The following EPM2A variants were observed in gnomAD, a reference collection of about 807,000 sequenced individuals.
The protein encoded by EPM2A is EPM2A glucan phosphatase, laforin, also known as laforin.
In EPM2A, 21 loss-of-function variants were observed where a neutral mutation model predicts 26.5. That is an observed-to-expected ratio of 0.79 (90% confidence interval 0.56 to 1.14). The LOEUF (loss-of-function observed/expected upper bound fraction) is 1.14, where lower values mean the gene tolerates loss of function less well. Among genes scored for constraint, EPM2A ranks in the 50% most tolerant of loss-of-function variants. The pLI is 0.00. For missense variants in EPM2A, 458 were observed against 440.8 expected (o/e 1.04, Z -0.35); for synonymous variants, 217 against 177.6 (o/e 1.22, Z -1.76).
chr6:145,438,997 T>C (rs1779026730), intron 4 of EPM2A, among the ~76,000 whole-genome samples: 1 of 152,162 alleles, frequency 6.6e-6, no homozygotes, highest in African/African-American at 2.4e-5. Flanking sequence ...CTGTATCTGT[T>C]GTTCCCCTCT....
chr6:145,501,277 T>C (rs1170446729), downstream of EPM2A, among the ~76,000 whole-genome samples: 1 of 152,230 alleles, frequency 6.6e-6, no homozygotes, highest in Non-Finnish European at 1.5e-5. Flanking sequence ...TTGGAATTTT[T>C]CTTTGTGCCC....
intron 2 of EPM2A, among the ~76,000 whole-genome samples, chr6:145,538,412 G>C (rs926835102): frequency 9.2e-5 from 14 of 152,202 alleles, no homozygotes; most frequent in African/African-American, 2.9e-4. Flanking sequence ...GTAAATAAGA[G>C]AATACTCAGG....
At chr6:145,693,829 GTT>G (rs2128620327) in intron 1 of EPM2A, among the ~76,000 whole-genome samples, 1 of 152,032 alleles carries the variant, frequency 6.6e-6, no homozygotes, top group South Asian at 2.1e-4. Context: ...CTTCAGAACA[GTT>G]TTAGCTACTT....
intron 2 of EPM2A, among the ~76,000 whole-genome samples, chr6:145,503,232 G>C: frequency 6.6e-6 from 1 of 151,996 alleles, no homozygotes; most frequent in Non-Finnish European, 1.5e-5. Context: ...TGTGTTGGAA[G>C]TTCTGGCCAG....
chr6:145,496,238 T>C (rs1016107027), intron 4 of EPM2A, among the ~76,000 whole-genome samples: 19 of 152,166 alleles, frequency 1.2e-4, no homozygotes, highest in Non-Finnish European at 2.5e-4. Context: ...TTACTATTGT[T>C]TCTTTCATTT....
chr6:145,561,404 G>A (rs1780802855), intron 2 of EPM2A, among the ~76,000 whole-genome samples: 1 of 152,104 alleles, frequency 6.6e-6, no homozygotes, highest in South Asian at 2.1e-4. Context: ...GCTCGGGACT[G>A]TACAATAATA....
intron 2 of EPM2A, among the ~76,000 whole-genome samples, chr6:145,520,334 C>A (rs1231382898): frequency 6.6e-6 from 1 of 152,158 alleles, no homozygotes; most frequent in African/African-American, 2.4e-5. Context: ...CAGCCTTCAC[C>A]TCATTTGCTT....
At chr6:145,681,710 C>T (rs893948313) in intron 2 of EPM2A, among the ~76,000 whole-genome samples, 7 of 151,864 alleles carry the variant, frequency 4.6e-5, no homozygotes, top group Admixed American at 2.0e-4. Flanking sequence ...TGTAGATATG[C>T]GGCGTTATTT....
chr6:145,729,799 G>C (rs559977792), intron 1 of EPM2A, among the ~76,000 whole-genome samples: 5 of 152,278 alleles, frequency 3.3e-5, no homozygotes, highest in Admixed American at 1.3e-4. Flanking sequence ...TACAGTGTGA[G>C]AAGGACAGGA....
chr6:145,504,298 T>A, intron 2 of EPM2A, among the ~76,000 whole-genome samples: 1 of 106,120 alleles, frequency 9.4e-6, no homozygotes, highest in Non-Finnish European at 2.0e-5. Flanking sequence ...ACCATCAGAG[T>A]GAACAGGCAA....
At chr6:145,498,927 T>C (rs1779855015), downstream of EPM2A, among the ~76,000 whole-genome samples, 1 of 152,196 alleles carries the variant, frequency 6.6e-6, no homozygotes, top group Non-Finnish European at 1.5e-5. Flanking sequence ...TAAATATCTT[T>C]TAAAAATCTG....
At chr6:145,574,321 G>GTCAGACTA (rs1258316634) in intron 2 of EPM2A, among the ~76,000 whole-genome samples, 1 of 152,150 alleles carries the variant, frequency 6.6e-6, no homozygotes, top group Non-Finnish European at 1.5e-5. Flanking sequence ...CTCTACATGA[G>GTCAGACTA]TCAGACTATT....
At chr6:145,599,557 T>C (rs551256704) in intron 2 of EPM2A, among the ~76,000 whole-genome samples, 1 of 152,006 alleles carries the variant, frequency 6.6e-6, no homozygotes, top group Non-Finnish European at 1.5e-5. Context: ...ATTCTCTTCT[T>C]TTTGGGTGGA....
chr6:145,676,453 C>A (rs1306628677), intron 2 of EPM2A, among the ~76,000 whole-genome samples: 2 of 151,448 alleles, frequency 1.3e-5, no homozygotes, highest in African/African-American at 2.4e-5. Context: ...GATAGAGACA[C>A]AAAAAAACCC....
chr6:145,578,428 T>C (rs1464151255), intron 2 of EPM2A, among the ~76,000 whole-genome samples: 1 of 152,106 alleles, frequency 6.6e-6, no homozygotes, highest in Non-Finnish European at 1.5e-5. Context: ...TGCCAATACA[T>C]TGAGAAACCT....
chr6:145,500,039 C>G (rs181519663), downstream of EPM2A, among the ~76,000 whole-genome samples: 5 of 151,888 alleles, frequency 3.3e-5, no homozygotes, highest in East Asian at 9.7e-4. Flanking sequence ...AGCATTTGAA[C>G]TCAGAAAAAT....
intron 2 of EPM2A, among the ~76,000 whole-genome samples, chr6:145,684,341 C>T (rs1780761685): frequency 1.3e-5 from 2 of 152,084 alleles, no homozygotes; most frequent in African/African-American, 4.8e-5. Context: ...GGAAAAAAAT[C>T]TCCAGAGCCC....
chr6:145,443,000 A>T (rs1447570981), intron 4 of EPM2A, among the ~76,000 whole-genome samples: 2 of 151,992 alleles, frequency 1.3e-5, no homozygotes, highest in Non-Finnish European at 2.9e-5. Flanking sequence ...AGCTGGGACT[A>T]CAGGCACCTG....
chr6:145,711,024 T>C (rs1474179230), intron 1 of EPM2A, among the ~76,000 whole-genome samples: 7 of 150,200 alleles, frequency 4.7e-5, no homozygotes, highest in African/African-American at 1.7e-4. Context: ...TAATGTTAAA[T>C]GACGAGTTAA....
Sources: gnomAD v4.1 joint callset for allele counts (sites outside exome capture counted in the v4.1 genomes callset) on GRCh38, gnomAD v4.1.1 for gene constraint, MANE v1.5 for transcripts, NCBI Gene and HGNC (gene_info 2026-07-23, HGNC 2026-07-21) for gene names.